ADAM23: variants seen among roughly 807,000 people sequenced by gnomAD.
ADAM23 encodes the protein ADAM metallopeptidase domain 23, also known as disintegrin and metalloproteinase domain-containing protein 23.
ADAM23 carries 33 observed loss-of-function variants against 120.1 expected under a neutral mutation model. The observed-to-expected ratio is 0.27, with a 90% CI of 0.21 to 0.37. The LOEUF (loss-of-function observed/expected upper bound fraction) is 0.37, where lower values mean the gene tolerates loss of function less well. ADAM23 is among the 10% of genes least tolerant of loss of function. The pLI is 1.00. For missense variants in ADAM23, 862 were observed against 1,058.2 expected (o/e 0.81, Z 2.57); for synonymous variants, 367 against 375.2 (o/e 0.98, Z 0.25).
intron 3 of ADAM23, among the ~76,000 whole-genome samples, chr2:206,526,161 C>T (rs929055632): frequency 1.1e-4 from 16 of 151,144 alleles, no homozygotes; most frequent in African/African-American, 3.9e-4. Flanking sequence ...CACACACACA[C>T]ACACACACAC....
At chr2:206,535,224 ACT>A (rs1249350957) in intron 4 of ADAM23, among the ~76,000 whole-genome samples, 1 of 151,966 alleles carries the variant, frequency 6.6e-6, no homozygotes, top group African/African-American at 2.4e-5. Context: ...ATTCTATGTC[ACT>A]CTCTCATTTA....
intron 16 of ADAM23, among the ~76,000 whole-genome samples, chr2:206,571,096 G>A (rs1019017142): frequency 6.6e-6 from 1 of 152,038 alleles, no homozygotes. Context: ...CATTCTTTCC[G>A]TGTTGTATAT....
chr2:206,599,155 A>C (rs967245115), intron 24 of ADAM23, among the ~76,000 whole-genome samples: 7 of 151,174 alleles, frequency 4.6e-5, no homozygotes, highest in African/African-American at 1.7e-4. Context: ...CAGTGAGCCG[A>C]GATCGTGCCA....
intron 24 of ADAM23, among the ~76,000 whole-genome samples, chr2:206,604,420 G>A (rs1214041106): frequency 1.3e-5 from 2 of 151,954 alleles, no homozygotes; most frequent in Admixed American, 6.6e-5. Context: ...CTTGAAAATC[G>A]GAGTAGTTCA....
intron 2 of ADAM23, among the ~76,000 whole-genome samples, chr2:206,464,340 C>T (rs1234557597): frequency 6.6e-6 from 1 of 151,932 alleles, no homozygotes; most frequent in Non-Finnish European, 1.5e-5. Context: ...TTTGGGAGGG[C>T]GAGACGGGTG....
chr2:206,493,906 G>A (rs1403027221), intron 3 of ADAM23, among the ~76,000 whole-genome samples: 1 of 152,116 alleles, frequency 6.6e-6, no homozygotes, highest in Non-Finnish European at 1.5e-5. Context: ...CACAGCATAA[G>A]AATAGATTAT....
chr2:206,504,247 T>C (rs1314391719), intron 3 of ADAM23, among the ~76,000 whole-genome samples: 1 of 152,212 alleles, frequency 6.6e-6, no homozygotes, highest in East Asian at 1.9e-4. Context: ...CTTTTTAATA[T>C]GCAAAATTAT....
intron 24 of ADAM23, among the ~76,000 whole-genome samples, chr2:206,602,527 C>G (rs567564710): frequency 2.7e-4 from 41 of 152,236 alleles, no homozygotes; most frequent in African/African-American, 9.6e-4. Context: ...GAAGAAAGCA[C>G]TTTGGTCCAT....
chr2:206,615,595 TC>T (rs1698920329), intron 25 of ADAM23, among the ~76,000 whole-genome samples: 1 of 152,130 alleles, frequency 6.6e-6, no homozygotes, highest in Non-Finnish European at 1.5e-5. Flanking sequence ...GAGCTCACTT[TC>T]CCCCTGCTGG....
chr2:206,528,403 A>G (rs556367737), intron 3 of ADAM23, among the ~76,000 whole-genome samples: 1 of 152,344 alleles, frequency 6.6e-6, no homozygotes, highest in African/African-American at 2.4e-5. Context: ...ACATACCACA[A>G]TTTAGTTTCA....
At chr2:206,496,585 A>G (rs901576891) in intron 3 of ADAM23, among the ~76,000 whole-genome samples, 26 of 152,238 alleles carry the variant, frequency 1.7e-4, no homozygotes, top group African/African-American at 6.0e-4. Flanking sequence ...CATCACAATC[A>G]AAAGAAGTAG....
chr2:206,570,590 CAGTCATCATTTATAAGA>C (rs2105830182), intron 15 of ADAM23, 133 bp from the exon 16 acceptor site: 1 of 597,374 alleles, frequency 1.7e-6, no homozygotes, highest in Non-Finnish European at 3.0e-6. Flanking sequence ...ATTTCCCATA[CAGTCATCATTTATAAGA>C]TGCCACAACA....
At chr2:206,448,353 G>A (rs763000793) in intron 2 of ADAM23, among the ~76,000 whole-genome samples, 5 of 152,154 alleles carry the variant, frequency 3.3e-5, no homozygotes, top group Non-Finnish European at 7.4e-5. Flanking sequence ...TTGCTAGCTA[G>A]GAAGTCAGAT....
chr2:206,461,825 A>G (rs980789812), intron 2 of ADAM23, among the ~76,000 whole-genome samples: 1 of 152,214 alleles, frequency 6.6e-6, no homozygotes, highest in Non-Finnish European at 1.5e-5. Flanking sequence ...TTTGTGGACA[A>G]GCTGCCTCCT....
At chr2:206,614,313 GT>G (rs1698891644) in intron 25 of ADAM23, among the ~76,000 whole-genome samples, 1 of 152,128 alleles carries the variant, frequency 6.6e-6, no homozygotes, top group Non-Finnish European at 1.5e-5. Context: ...AGAAAAGGCT[GT>G]TTATGTACTC....
intron 19 of ADAM23, 31 bp from the exon 20 acceptor site, chr2:206,588,060 G>A: frequency 6.2e-7 from 1 of 1,612,442 alleles, no homozygotes; most frequent in Non-Finnish European, 8.5e-7. Context: ...AACTGACTCT[G>A]TGTGCCTCAC....
chr2:206,499,569 A>G (rs541335921), intron 3 of ADAM23, among the ~76,000 whole-genome samples: 1,847 of 151,966 alleles, frequency 0.012, 30 homozygotes, highest in African/African-American at 0.036. Context: ...CAGCAAACCA[A>G]CATGGCACAT....
chr2:206,562,552 G>A (rs1431487102), intron 13 of ADAM23, among the ~76,000 whole-genome samples: 1 of 152,180 alleles, frequency 6.6e-6, no homozygotes, highest in Non-Finnish European at 1.5e-5. Flanking sequence ...ACTGCAGAAT[G>A]TGGGGCTGGG....
chr2:206,508,841 T>C, intron 3 of ADAM23, among the ~76,000 whole-genome samples: 1 of 152,132 alleles, frequency 6.6e-6, no homozygotes, highest in Non-Finnish European at 1.5e-5. Context: ...TTCTGAGAAG[T>C]CATCAACAAC....
Sources: gnomAD v4.1 joint callset for allele counts (sites outside exome capture counted in the v4.1 genomes callset) on GRCh38, gnomAD v4.1.1 for gene constraint, MANE v1.5 for transcripts, NCBI Gene and HGNC (gene_info 2026-07-23, HGNC 2026-07-21) for gene names.